RBFOX1: variants seen among roughly 807,000 people sequenced by gnomAD.
The protein encoded by RBFOX1 is RNA binding fox-1 homolog 1, also known as RNA binding protein fox-1 homolog 1.
Under a neutral mutation model 57.7 loss-of-function variants are expected in RBFOX1, and 8 were observed. The observed-to-expected ratio is 0.14, with a 90% confidence interval of 0.08 to 0.25. The LOEUF (loss-of-function observed/expected upper bound fraction) is 0.25. RBFOX1 is among the 10% of genes least tolerant of loss of function. The probability of loss-of-function intolerance (pLI) is 1.00; values close to 1 mark genes in which losing one functional copy is unlikely to be tolerated. For missense variants in RBFOX1, 611 were observed against 548.5 expected (o/e 1.11, Z -1.14); for synonymous variants, 326 against 222.4 (o/e 1.47, Z -4.15).
chr16:6,860,738 G>A (rs948273538), intron 3 of RBFOX1, among the ~76,000 whole-genome samples: 1 of 152,182 alleles, frequency 6.6e-6, no homozygotes, highest in Non-Finnish European at 1.5e-5. Flanking sequence ...CTGTGTGCCA[G>A]TGTGGATAAA....
At chr16:6,987,823 C>T (rs1018137748) in intron 3 of RBFOX1, among the ~76,000 whole-genome samples, 2 of 152,034 alleles carry the variant, frequency 1.3e-5, no homozygotes, top group Non-Finnish European at 2.9e-5. Flanking sequence ...CGTGGAGTGA[C>T]AGAAGAGATT....
At chr16:6,554,818 A>G (rs2097066528) in intron 2 of RBFOX1, among the ~76,000 whole-genome samples, 1 of 131,684 alleles carries the variant, frequency 7.6e-6, no homozygotes, top group African/African-American at 3.9e-5. Flanking sequence ...ACACACAGAC[A>G]CACAGACACA....
At chr16:7,242,654 G>A (rs1308315292) in intron 4 of RBFOX1, among the ~76,000 whole-genome samples, 1 of 152,204 alleles carries the variant, frequency 6.6e-6, no homozygotes, top group Non-Finnish European at 1.5e-5. Flanking sequence ...AGTCAATTCA[G>A]TCCAACATCC....
chr16:6,012,835 C>G (rs2094969732), intron 4 of RBFOX1, among the ~76,000 whole-genome samples: 1 of 152,096 alleles, frequency 6.6e-6, no homozygotes, highest in Admixed American at 6.6e-5. Flanking sequence ...GAGAAAACAT[C>G]TGGAAGTAAA....
chr16:6,241,650 G>A (rs1054224192), intron 1 of RBFOX1, among the ~76,000 whole-genome samples: 1 of 152,162 alleles, frequency 6.6e-6, no homozygotes, highest in Non-Finnish European at 1.5e-5. Flanking sequence ...CTACAGGGTG[G>A]CCATTACATT....
chr16:6,637,397 T>TTGAATATATATATTATATAATATA (rs2098452132), intron 2 of RBFOX1, among the ~76,000 whole-genome samples: 1 of 6,824 alleles, frequency 1.5e-4, no homozygotes, highest in Non-Finnish European at 5.9e-4. Context: ...ATATTATATA[T>TTGAATATATATATTATATAATATA]TAAATATATA....
At chr16:6,410,853 A>G (rs930528180) in intron 2 of RBFOX1, among the ~76,000 whole-genome samples, 1 of 152,196 alleles carries the variant, frequency 6.6e-6, no homozygotes, top group African/African-American at 2.4e-5. Flanking sequence ...ATTCGGCATA[A>G]GTCACTTAGC....
chr16:7,408,565 G>A lies in RBFOX1; in HGVS notation c.28-109582G>A, dbSNP rs770232556. On this transcript the variant is annotated intron_variant, in intron 4 of 15. Transcript: ENST00000550418. ...ATCGATTGTCCTGAGTATTGCGATT[G>A]CTGTTCCTGATAACTGACTTGATAA... Among the ~76,000 whole-genome samples the A allele has an allele frequency of 5.3e-5, 8 of 152,288 alleles. 1 individual carries two copies. The highest frequency in any genetic ancestry group is 1.0e-4 in the Non-Finnish European group (7 of 68,030).
intron 3 of RBFOX1, among the ~76,000 whole-genome samples, chr16:6,666,475 G>A (rs773032787): frequency 6.6e-6 from 1 of 150,866 alleles, no homozygotes; most frequent in African/African-American, 2.4e-5. Context: ...GGAAGGCAGA[G>A]GTTACAGTCA....
intron 3 of RBFOX1, among the ~76,000 whole-genome samples, chr16:6,703,630 C>A (rs2062204261): frequency 6.6e-6 from 1 of 152,036 alleles, no homozygotes; most frequent in Non-Finnish European, 1.5e-5. Context: ...TCACTTGAGC[C>A]TGAGAAGTTG....
chr16:5,948,492 A>G (rs539489473), intron 4 of RBFOX1, among the ~76,000 whole-genome samples: 10 of 152,194 alleles, frequency 6.6e-5, no homozygotes, highest in Non-Finnish European at 1.3e-4. Flanking sequence ...CTTTGAAGAT[A>G]TAATTAGTTA....
chr16:7,648,017 C>A (rs1000874820), intron 11 of RBFOX1, among the ~76,000 whole-genome samples: 3 of 152,112 alleles, frequency 2.0e-5, no homozygotes, highest in African/African-American at 7.2e-5. Flanking sequence ...TTACCATGTT[C>A]CAGAATCCTA....
At chr16:7,124,903 G>A (rs80093061) in intron 4 of RBFOX1, among the ~76,000 whole-genome samples, 1 of 152,038 alleles carries the variant, frequency 6.6e-6, no homozygotes, top group South Asian at 2.1e-4. Flanking sequence ...CAGTGACAGC[G>A]TTATGAGCTA....
intron 3 of RBFOX1, among the ~76,000 whole-genome samples, chr16:5,787,051 G>C (rs951554950): frequency 2.0e-5 from 3 of 152,160 alleles, no homozygotes; most frequent in Non-Finnish European, 4.4e-5. Context: ...CAGGAGAATT[G>C]CTTAAACAGG....
At chr16:5,409,110 TC>T (rs1201127000) in intron 1 of RBFOX1, among the ~76,000 whole-genome samples, 4 of 152,060 alleles carry the variant, frequency 2.6e-5, no homozygotes, top group African/African-American at 9.7e-5. Flanking sequence ...GCAGGGCAGG[TC>T]CCAGGCAGCA....
At chr16:6,373,328 TG>T (rs2090742314) in intron 2 of RBFOX1, among the ~76,000 whole-genome samples, 1 of 149,496 alleles carries the variant, frequency 6.7e-6, no homozygotes, top group Non-Finnish European at 1.5e-5. Flanking sequence ...GGAGGATGGT[TG>T]GGTGGAATGG....
intron 3 of RBFOX1, among the ~76,000 whole-genome samples, chr16:6,684,850 G>C (rs1401046283): frequency 6.6e-6 from 1 of 152,186 alleles, no homozygotes; most frequent in African/African-American, 2.4e-5. Flanking sequence ...TTTGTCTTTA[G>C]AGTGAGTAAT....
chr16:6,669,999 C>CTG (rs2098754124), intron 3 of RBFOX1, among the ~76,000 whole-genome samples: 1 of 151,724 alleles, frequency 6.6e-6, no homozygotes, highest in Non-Finnish European at 1.5e-5. Flanking sequence ...GAAAATCTAT[C>CTG]TCTGTCTGTC....
chr16:7,156,350 C>G (rs1567493971), intron 4 of RBFOX1, among the ~76,000 whole-genome samples: 1 of 151,402 alleles, frequency 6.6e-6, no homozygotes, highest in African/African-American at 2.4e-5. Flanking sequence ...CATATCTGTA[C>G]ATATACATGC....
Sources: allele counts gnomAD v4.1 joint callset (sites outside exome capture counted in the v4.1 genomes callset), GRCh38; gene constraint gnomAD v4.1.1; transcripts MANE v1.5; gene names NCBI Gene and HGNC (gene_info 2026-07-23, HGNC 2026-07-21).